Variants in CTNS observed in about 807,000 individuals in gnomAD.
The protein encoded by CTNS is cystinosin, lysosomal cystine transporter.
In CTNS, 27 loss-of-function variants were observed where a neutral mutation model predicts 43.7. The observed-to-expected ratio is 0.62, with a 90% CI of 0.46 to 0.85. The LOEUF is 0.85. Ranked by LOEUF, CTNS falls within the 40% of genes least tolerant of loss-of-function variation. The pLI is 0.00. For synonymous variants in CTNS, 187 were observed against 190.6 expected (o/e 0.98, Z 0.16); for missense variants, 457 against 475.4 (o/e 0.96, Z 0.36).
chr17:3,647,265 T>G (rs961400423), intron 3 of CTNS, among the ~76,000 whole-genome samples, 179 bp from the exon 4 acceptor site: 1 of 152,208 alleles, frequency 6.6e-6, no homozygotes, highest in Non-Finnish European at 1.5e-5. Context: ...CATCTCTGTC[T>G]CTGGCAGCAG....
In CTNS at chr17:3,660,800, C is replaced by G; in HGVS notation, c.*431C>G. 1.2e-6 allele frequency: 2 copies of G among 1,606,166 alleles called. No homozygotes were observed. Among genetic ancestry groups the G allele is most frequent in the Non-Finnish European group, 1.7e-6 (2 of 1,177,104 alleles). On this transcript the variant is annotated 3_prime_UTR_variant, in exon 12 of 12. Transcript: ENST00000046640. ...CTGCATTCCCAGAGATCAAGCAGCC[C>G]GGTGCCGTGGCCAGTGAACTCAGAG...
intron 7 of CTNS, 113 bp downstream of exon 7, chr17:3,655,465 T>C: frequency 6.7e-7 from 1 of 1,494,800 alleles, no homozygotes; most frequent in South Asian, 1.1e-5. Context: ...TCTGTCTGCC[T>C]ACCCTTTCCA....
chr17:3,657,569 G>A (rs1036512280), intron 9 of CTNS: 8 of 263,602 alleles, frequency 3.0e-5, no homozygotes, highest in Admixed American at 1.5e-4. Flanking sequence ...AAGGCAAGGC[G>A]AGGGGACAGA....
rs869072123 is a variant in CTNS at position 3,641,384 on chromosome 17, A to ATT, written c.61+1141_61+1142dup. 2.3e-3 allele frequency among the ~76,000 whole-genome samples: 73 copies of ATT among 31,202 alleles called. 6 individuals are homozygous for ATT. Among genetic ancestry groups the ATT allele is most frequent in the Non-Finnish European group, 2.6e-3 (58 of 22,008 alleles). 20.5% of individuals were successfully genotyped at this position (31,202 alleles called of 152,430 possible). ...CATATATATATATATATATATATAT[A>ATT]TTTTTTTTTTTTTTTTTTTTTTTTT... is the stretch of plus-strand genomic sequence containing the variant. On this transcript the variant is annotated intron_variant, in intron 3 of 11. Coordinates refer to ENST00000046640, the MANE Select transcript of CTNS (RefSeq NM_004937.3).
At chr17:3,649,925 A>T (rs1489836217) in intron 5 of CTNS, among the ~76,000 whole-genome samples, 3 of 152,232 alleles carry the variant, frequency 2.0e-5, no homozygotes, top group Non-Finnish European at 4.4e-5. Flanking sequence ...ACAATCATGT[A>T]TTACTGCATG....
chr17:3,643,814 G>T (rs757716816), intron 3 of CTNS, among the ~76,000 whole-genome samples: 1 of 152,236 alleles, frequency 6.6e-6, no homozygotes, highest in East Asian at 1.9e-4. Flanking sequence ...TGATCTGACC[G>T]CCTCAGCCTC....
intron 9 of CTNS, among the ~76,000 whole-genome samples, chr17:3,657,371 C>T (rs1227065634): frequency 6.6e-6 from 1 of 152,182 alleles, no homozygotes; most frequent in African/African-American, 2.4e-5. Context: ...AGGGCAGGGC[C>T]CCACCAAGGC....
At chr17:3,641,191 C>A (rs1366653479) in intron 3 of CTNS, among the ~76,000 whole-genome samples, 1 of 151,548 alleles carries the variant, frequency 6.6e-6, no homozygotes, top group Non-Finnish European at 1.5e-5. Context: ...GGAGGAATGA[C>A]CTTCAGTGCA....
At chr17:3,650,412 C>A (rs1219828767) in intron 5 of CTNS, 2 of 1,493,824 alleles carry the variant, frequency 1.3e-6, no homozygotes, top group Non-Finnish European at 1.8e-6. Context: ...AGCCCAGGAA[C>A]TCAAGGCTGC....
intron 3 of CTNS, among the ~76,000 whole-genome samples, chr17:3,645,210 C>G (rs772226919): frequency 6.6e-6 from 1 of 152,246 alleles, no homozygotes; most frequent in Non-Finnish European, 1.5e-5. Context: ...ACAGCGGCTT[C>G]CAGGCTCTGA....
At chr17:3,644,896 C>T (rs779362961) in intron 3 of CTNS, among the ~76,000 whole-genome samples, 18 of 152,226 alleles carry the variant, frequency 1.2e-4, no homozygotes, top group Admixed American at 2.6e-4. Context: ...CCGCTGTGCC[C>T]GGCCCTCAAC....
chr17:3,653,444 T>A (rs758523404), intron 5 of CTNS, among the ~76,000 whole-genome samples: 1 of 151,954 alleles, frequency 6.6e-6, no homozygotes, highest in South Asian at 2.1e-4. Context: ...ACCACTGCAG[T>A]CTAATGAGCC....
At chr17:3,653,664 C>T (rs569132126) in intron 5 of CTNS, among the ~76,000 whole-genome samples, 200 of 152,164 alleles carry the variant, frequency 1.3e-3, no homozygotes, top group African/African-American at 4.7e-3. Flanking sequence ...TCACTTGAGG[C>T]TGGGAGTTTG....
chr17:3,642,193 G>A (rs1243292764), intron 3 of CTNS, among the ~76,000 whole-genome samples: 1 of 151,060 alleles, frequency 6.6e-6, no homozygotes, highest in Non-Finnish European at 1.5e-5. Context: ...ACTCTTTAAA[G>A]CCCCATTAGT....
chr17:3,656,707 T>C lies in CTNS; in HGVS notation c.593T>C (p.Val198Ala). Residue 198 changes from valine (V) to alanine (A), a missense_variant, in exon 9 of 12, where the codon GTG (valine) becomes GCG (alanine). By Grantham distance (64) the Val-to-Ala change is moderately conservative (BLOSUM62 0). Transcript: ENST00000046640. ...TTTCTCCTCAAATACCCCAACGGAG[T>C]GAACCCCGTGAACAGCAACGACGTC... ...EQFLLKYPNG[V>A]NPVNSNDVFF... The C allele has an allele frequency of 6.2e-7, 1 of 1,612,380 alleles. No individual in the cohort carries two copies. The highest frequency in any genetic ancestry group is 8.5e-7 in the Non-Finnish European group (1 of 1,179,678).
Position 3,641,736 on chromosome 17 carries a change from C to G in CTNS, c.61+1469C>G, listed in dbSNP as rs138922798. Among the ~76,000 whole-genome samples, 432 of 152,130 alleles carry G rather than the reference C, an allele frequency of 2.8e-3. 1 individual carries two copies. Among genetic ancestry groups the G allele is most frequent in the Non-Finnish European group, 4.7e-3 (317 of 68,012 alleles). Reference sequence around the variant, plus strand: ...TTCAAGTGAACCTTGACAAACAATACAAATCCTGCAGAGGTTTCCCCAGAG... The same window carrying G: ...TTCAAGTGAACCTTGACAAACAATAGAAATCCTGCAGAGGTTTCCCCAGAG... On this transcript the variant is annotated intron_variant, in intron 3 of 11. Coordinates refer to ENST00000046640, the MANE Select transcript of CTNS (RefSeq NM_004937.3).
rs1288797093 is a variant in CTNS, at chr17:3,650,031, C to T, written c.225+1100C>T. On this transcript the variant is annotated intron_variant, in intron 5 of 11. Transcript: ENST00000046640. The stretch of plus-strand genomic sequence containing the variant: ...TCCTAGCTACTCACGTTCGTAACAA[C>T]AACAAAAAAAAGATAAGTATCTGAG... 12 of 1,322,008 alleles carry T rather than the reference C, an allele frequency of 9.1e-6. No individual in the cohort carries two copies. In the East Asian group the frequency reaches 3.1e-4, roughly 34 times the overall value. 81.9% of individuals were successfully genotyped at this position (1,322,008 alleles called of 1,614,324 possible). A position where few individuals can be genotyped will look rare whatever the true frequency, so the allele number is the denominator to read the frequency against.
At chr17:3,654,943 CG>C in intron 5 of CTNS, 54 bp from the exon 6 acceptor site, 1 of 1,263,374 alleles carries the variant, frequency 7.9e-7, no homozygotes, top group South Asian at 1.2e-5. Context: ...TAGATGCCAG[CG>C]GGGTCCTCGG....
intron 4 of CTNS, 67 bp downstream of exon 4, chr17:3,647,589 C>A: frequency 7.2e-7 from 1 of 1,386,778 alleles, no homozygotes. Flanking sequence ...AGGGCTGACC[C>A]CTGGCTCAGT....
Sources: gnomAD v4.1 joint callset for allele counts (sites outside exome capture counted in the v4.1 genomes callset) on GRCh38, gnomAD v4.1.1 for gene constraint, MANE v1.5 for transcripts, NCBI Gene and HGNC (gene_info 2026-07-23, HGNC 2026-07-21) for gene names.